Variants in NRXN3 observed in about 807,000 individuals in gnomAD.
The protein encoded by NRXN3 is neurexin III.
A neutral mutation model predicts 137.6 loss-of-function variants in NRXN3; 32 were observed. That is an observed-to-expected ratio of 0.23 (90% CI 0.18 to 0.31). NRXN3 has a LOEUF of 0.31. Among genes scored for constraint, NRXN3 ranks in the 10% least tolerant of loss-of-function variants. NRXN3 has a pLI of 1.00. For missense variants in NRXN3, 1,574 were observed against 2,062.5 expected (o/e 0.76, Z 4.59); for synonymous variants, 798 against 784.5 (o/e 1.02, Z -0.29).
intron 15 of NRXN3, among the ~76,000 whole-genome samples, chr14:79,302,430 G>A (rs1053654184): frequency 6.6e-6 from 1 of 151,952 alleles, no homozygotes; most frequent in African/African-American, 2.4e-5. Flanking sequence ...GAAAGGGCAG[G>A]TACGTCACAT....
intron 4 of NRXN3, among the ~76,000 whole-genome samples, chr14:78,452,787 G>T (rs1208841357): frequency 6.6e-6 from 1 of 152,186 alleles, no homozygotes; most frequent in Non-Finnish European, 1.5e-5. Flanking sequence ...AATGGCATCA[G>T]AGCCAACATC....
intron 10 of NRXN3, among the ~76,000 whole-genome samples, chr14:78,920,560 C>T (rs1332096378): frequency 6.6e-6 from 1 of 152,096 alleles, no homozygotes; most frequent in African/African-American, 2.4e-5. Flanking sequence ...CTGATACTAC[C>T]TGGAGTTAGC....
intron 10 of NRXN3, among the ~76,000 whole-genome samples, chr14:78,839,639 C>A (rs139480289): frequency 1.3e-5 from 2 of 152,094 alleles, no homozygotes; most frequent in African/African-American, 2.4e-5. Context: ...GTGTAAAGGG[C>A]GAGTATGTTG....
intron 15 of NRXN3, among the ~76,000 whole-genome samples, chr14:79,033,850 C>T (rs747165246): frequency 2.0e-5 from 3 of 151,970 alleles, no homozygotes; most frequent in African/African-American, 4.8e-5. Context: ...TAGTTTCAGC[C>T]GGAGCTCTTA....
At chr14:78,985,003 G>A (rs1340920282) in intron 14 of NRXN3, among the ~76,000 whole-genome samples, 1 of 152,160 alleles carries the variant, frequency 6.6e-6, no homozygotes, top group Non-Finnish European at 1.5e-5. Flanking sequence ...TCAGTCTTCC[G>A]GTACTATCTG....
At chr14:78,911,453 C>T (rs940755335) in intron 10 of NRXN3, among the ~76,000 whole-genome samples, 8 of 152,126 alleles carry the variant, frequency 5.3e-5, no homozygotes, top group African/African-American at 1.9e-4. Context: ...ACTTTTTATT[C>T]TGGTTACTAC....
At chr14:78,337,462 A>C (rs889244818) in intron 4 of NRXN3, among the ~76,000 whole-genome samples, 1 of 152,150 alleles carries the variant, frequency 6.6e-6, no homozygotes, top group Non-Finnish European at 1.5e-5. Flanking sequence ...AACGGCAGGG[A>C]CAGAAAGGAA....
intron 10 of NRXN3, among the ~76,000 whole-genome samples, chr14:78,921,435 A>G (rs758785284): frequency 7.9e-5 from 12 of 152,230 alleles, no homozygotes; most frequent in Non-Finnish European, 1.5e-4. Context: ...ACTTACCTCC[A>G]TATATGAATA....
At chr14:78,605,180 T>G (rs1412385231) in intron 4 of NRXN3, among the ~76,000 whole-genome samples, 4 of 152,210 alleles carry the variant, frequency 2.6e-5, no homozygotes, top group African/African-American at 9.7e-5. Flanking sequence ...TAAGTCATCA[T>G]CTTCCCTCAG....
intron 15 of NRXN3, among the ~76,000 whole-genome samples, chr14:79,138,599 A>T (rs60076654): frequency 1.3e-5 from 2 of 152,224 alleles, no homozygotes; most frequent in African/African-American, 4.8e-5. Context: ...TAGGATTTAT[A>T]GTACCAAGGC....
chr14:78,893,603 A>G lies in NRXN3; in HGVS notation c.2276-63639A>G, dbSNP rs554593118. Among the ~76,000 whole-genome samples, 14 of 152,076 alleles carry G rather than the reference A, an allele frequency of 9.2e-5. No homozygotes were observed. In the South Asian group the frequency reaches 2.9e-3, roughly 32 times the overall value. ...AAACAATCTCATTTATCTTCCCCAC[A>G]TCCTAATGGAATTGCAGAATTAATA... On this transcript the variant is annotated intron_variant, in intron 10 of 20. Transcript: ENST00000335750.
chr14:79,609,085 A>G (rs529120577), intron 16 of NRXN3, among the ~76,000 whole-genome samples: 1 of 152,290 alleles, frequency 6.6e-6, no homozygotes, highest in African/African-American at 2.4e-5. Context: ...ATCGTTTTTC[A>G]TAGTGTATTT....
chr14:79,290,155 G>GT lies in NRXN3; in HGVS notation c.3263-177061dup, dbSNP rs1223708356. Among the ~76,000 whole-genome samples the GT allele has an allele frequency of 3.3e-5, 5 of 152,238 alleles. No homozygotes were observed. The East Asian group carries it at 9.6e-4, about 29-fold the overall frequency. On this transcript the variant is annotated intron_variant, in intron 15 of 20. Transcript: ENST00000335750. ...TTACACTCTTTGGGTGAAAATTGTG[G>GT]TTTTTGCTACATAAAAAACTAATGG...
At chr14:78,636,829 A>ATTTATTTT (rs1555410716) in intron 4 of NRXN3, among the ~76,000 whole-genome samples, 1 of 148,742 alleles carries the variant, frequency 6.7e-6, no homozygotes, top group African/African-American at 2.6e-5. Flanking sequence ...TTCTTTTTTT[A>ATTTATTTT]TTTTTTATTT....
intron 15 of NRXN3, among the ~76,000 whole-genome samples, chr14:79,274,060 G>A (rs193135639): frequency 2.1e-5 from 3 of 146,338 alleles, no homozygotes; most frequent in East Asian, 4.1e-4. Flanking sequence ...CCGAGATTAC[G>A]CACTGCACTC....
intron 4 of NRXN3, among the ~76,000 whole-genome samples, chr14:78,351,041 CTT>C (rs2083414290): frequency 6.6e-6 from 1 of 152,166 alleles, no homozygotes; most frequent in Non-Finnish European, 1.5e-5. Context: ...CAGAGGCAAT[CTT>C]TGCCAGGAAT....
chr14:79,586,584 C>T (rs1330638309), intron 16 of NRXN3, among the ~76,000 whole-genome samples: 2 of 152,124 alleles, frequency 1.3e-5, no homozygotes, highest in Admixed American at 1.3e-4. Flanking sequence ...CTACACCCGC[C>T]TCAGCCACCC....
intron 20 of NRXN3, among the ~76,000 whole-genome samples, chr14:79,819,671 G>A (rs2099265015): frequency 6.6e-6 from 1 of 151,922 alleles, no homozygotes; most frequent in African/African-American, 2.4e-5. Context: ...TTTTAGTAGA[G>A]ACGGGGTTTC....
intron 8 of NRXN3, among the ~76,000 whole-genome samples, chr14:78,755,818 C>G (rs996441686): frequency 4.4e-4 from 67 of 152,210 alleles, no homozygotes; most frequent in African/African-American, 1.6e-3. Flanking sequence ...AAAATGAATA[C>G]TATCCTCAGA....
Sources: gnomAD v4.1 joint callset for allele counts (sites outside exome capture counted in the v4.1 genomes callset) on GRCh38, gnomAD v4.1.1 for gene constraint, MANE v1.5 for transcripts, NCBI Gene and HGNC (gene_info 2026-07-23, HGNC 2026-07-21) for gene names.